NRIP2: variants seen among roughly 807,000 people sequenced by gnomAD.
The protein encoded by NRIP2 is nuclear receptor-interacting protein 2.
In NRIP2, 27 loss-of-function variants were observed where a neutral mutation model predicts 34.1. That is an observed-to-expected ratio of 0.79 (90% CI 0.58 to 1.09). The LOEUF is 1.09. Among genes scored for constraint, NRIP2 ranks in the 50% least tolerant of loss-of-function variants. The pLI, the probability that NRIP2 is intolerant of heterozygous loss-of-function variation, is 0.00. For synonymous variants in NRIP2, 145 were observed against 146.9 expected (o/e 0.99, Z 0.09); for missense variants, 385 against 352.6 (o/e 1.09, Z -0.74).
chr12:2,829,300 G>C (rs1197545292), intron 2 of NRIP2, among the ~76,000 whole-genome samples: 1 of 152,074 alleles, frequency 6.6e-6, no homozygotes, highest in Non-Finnish European at 1.5e-5. Flanking sequence ...TTGGGACATA[G>C]ACATTTTGAT....
chr12:2,827,341 C>T lies in NRIP2; in HGVS notation c.754-42G>A. 6.3e-7 allele frequency: 1 copy of T among 1,588,410 alleles called. No homozygotes were observed. Among genetic ancestry groups the T allele is most frequent in the South Asian group, 1.1e-5 (1 of 88,118 alleles). ...AGTCATGCCAGGTCACCTCAGCCCG[C>T]CACCTGCCTCCCGGCCTGCTCCTTT... is the stretch of plus-strand genomic sequence containing the variant. On this transcript the variant is annotated intron_variant, in intron 5 of 5. Coordinates refer to ENST00000337508, the MANE Select transcript of NRIP2 (RefSeq NM_031474.3). The surrounding 1 kb of genome is among the most constrained non-coding windows in gnomAD (Gnocchi z 4.0).
At position 2,827,752 on chromosome 12, in the gene NRIP2, TC is replaced by T; in HGVS notation, c.701-76del. On this transcript the variant is annotated intron_variant, in intron 4 of 5. Transcript: ENST00000337508. This position sits in a 1 kb window ranked among gnomAD's most constrained non-coding sequence, Gnocchi z 4.0. ...CTGCTGCCCTCCTCTTAGCCGTTGC[TC>T]CTTCTCTGCCCACCCCATCCCCAGA... is the stretch of plus-strand genomic sequence containing the variant. The T allele has an allele frequency of 1.2e-6, 2 of 1,610,944 alleles. No individual in the cohort carries two copies. The highest frequency in any genetic ancestry group is 2.2e-5 in the South Asian group (2 of 90,842).
chr12:2,828,152 A>ACCTC, intron 3 of NRIP2, 105 bp from the exon 4 acceptor site: 1 of 1,224,640 alleles, frequency 8.2e-7, no homozygotes, highest in Non-Finnish European at 1.2e-6. Flanking sequence ...CCAACCCCTG[A>ACCTC]CCTCACGTGG....
In NRIP2 at chr12:2,827,829, C is replaced by T; in HGVS notation, c.700+97G>A. On this transcript the variant is annotated intron_variant, in intron 4 of 5. Transcript: ENST00000337508. This position sits in a 1 kb window ranked among gnomAD's most constrained non-coding sequence, Gnocchi z 4.0. ...GGGATAGTCAGAACATCTCTGGGAA[C>T]TCCTCGTGCTGCAGGGAGTGAAAGT... 1.2e-6 allele frequency: 2 copies of T among 1,604,442 alleles called. No homozygotes were observed. The highest frequency in any genetic ancestry group is 2.2e-5 in the South Asian group (2 of 89,746).
Position 2,834,925 on chromosome 12 carries a change from C to T in NRIP2, c.59G>A (p.Cys20Tyr), listed in dbSNP as rs1211951857. Residue 20 changes from cysteine (C) to tyrosine (Y), a missense_variant, in exon 1 of 6, where the codon TGC (cysteine) becomes TAC (tyrosine). Cys to Tyr is a radical substitution (Grantham distance 194, BLOSUM62 -2). Transcript: ENST00000337508. Reference sequence around the variant, plus strand: ...TCCTGCCTGTCTCTGTCCCGTGCTGCAGCTCTCTTTCCAACAGGAGGGTCT... The same window carrying T: ...TCCTGCCTGTCTCTGTCCCGTGCTGTAGCTCTCTTTCCAACAGGAGGGTCT... ...PWRPSCWKESCSTGQRQAGRS... is the reference protein window; with the variant it reads ...PWRPSCWKESYSTGQRQAGRS... 1.2e-6 allele frequency: 2 copies of T among 1,612,146 alleles called. No individual in the cohort carries two copies. The highest frequency in any genetic ancestry group is 1.7e-6 in the Non-Finnish European group (2 of 1,179,202).
At position 2,834,903 on chromosome 12, in the gene NRIP2, T is replaced by C; in HGVS notation, c.81A>G (p.Ala27=). Residue 27 remains alanine, a synonymous_variant, in exon 1 of 6, where the codon GCA becomes GCG. Transcript: ENST00000337508. ...KESCSTGQRQ[A]GRSREDSVTP... ...TCACCGAGTCCTCTCTGCTTCTTCC[T>C]GCCTGTCTCTGTCCCGTGCTGCAGC... The C allele has an allele frequency of 6.2e-7, 1 of 1,613,806 alleles. No homozygotes were observed. The highest frequency in any genetic ancestry group is 1.1e-5 in the South Asian group (1 of 91,046).
At chr12:2,832,372 G>A (rs551696088) in intron 1 of NRIP2, among the ~76,000 whole-genome samples, 2 of 151,852 alleles carry the variant, frequency 1.3e-5, no homozygotes, top group Admixed American at 1.3e-4. Context: ...CAGAAGCACC[G>A]CTCATACCAG....
chr12:2,828,773 C>T (rs1056346677), intron 2 of NRIP2, among the ~76,000 whole-genome samples: 15 of 152,212 alleles, frequency 9.9e-5, no homozygotes, highest in African/African-American at 3.4e-4. Flanking sequence ...ACCCGAGAGG[C>T]GGAGGTTGTG....
chr12:2,832,110 A>G (rs887827364), intron 1 of NRIP2, among the ~76,000 whole-genome samples: 1 of 152,156 alleles, frequency 6.6e-6, no homozygotes, highest in African/African-American at 2.4e-5. Flanking sequence ...CCTCTTAAAA[A>G]TGCACTCTCA....
At chr12:2,832,162 G>C (rs1454415209) in intron 1 of NRIP2, among the ~76,000 whole-genome samples, 2 of 152,114 alleles carry the variant, frequency 1.3e-5, no homozygotes, top group Non-Finnish European at 2.9e-5. Context: ...AGATCCCCAG[G>C]TGATTCATGT....
rs750409344 is a variant in NRIP2, at chr12:2,834,956, G to A, written c.28C>T (p.Pro10Ser). Residue 10 changes from proline to serine, a missense_variant, in exon 1 of 6, where the codon CCG becomes TCG. Coordinates refer to ENST00000337508, the MANE Select transcript of NRIP2 (RefSeq NM_031474.3). ...TCTTTCCAACAGGAGGGTCTCCACG[G>A]GAGGGAAAGAGGAAAAATAAATAAC... Reference protein sequence around the residue: MLFIFPLSLPWRPSCWKESC... With the variant: MLFIFPLSLSWRPSCWKESC... 52 of 1,591,266 alleles carry A rather than the reference G, an allele frequency of 3.3e-5. 1 individual carries two copies. The South Asian group carries it at 5.2e-4, about 16-fold the overall frequency.
intron 1 of NRIP2, 27 bp from the exon 2 acceptor site, chr12:2,830,887 T>C: frequency 6.2e-7 from 1 of 1,605,856 alleles, no homozygotes; most frequent in Non-Finnish European, 8.5e-7. Flanking sequence ...ACAATGAAGG[T>C]AGGCAGTTCT....
intron 1 of NRIP2, among the ~76,000 whole-genome samples, chr12:2,831,290 A>G (rs1467192252): frequency 6.6e-6 from 1 of 151,658 alleles, no homozygotes; most frequent in Non-Finnish European, 1.5e-5. Flanking sequence ...ACAGTAAGAA[A>G]CTCAAGAACT....
intron 1 of NRIP2, among the ~76,000 whole-genome samples, chr12:2,832,805 C>T (rs1462150565): frequency 1.3e-5 from 2 of 150,100 alleles, no homozygotes; most frequent in Non-Finnish European, 1.5e-5. Context: ...GCTCTATGCA[C>T]CTCTCCACCT....
At chr12:2,833,013 C>G (rs1199848917) in intron 1 of NRIP2, among the ~76,000 whole-genome samples, 1 of 151,926 alleles carries the variant, frequency 6.6e-6, no homozygotes, top group Non-Finnish European at 1.5e-5. Context: ...CTTCAGGCCC[C>G]TCCCGCTGTT....
At chr12:2,833,838 C>G (rs2098015149) in intron 1 of NRIP2, among the ~76,000 whole-genome samples, 1 of 152,178 alleles carries the variant, frequency 6.6e-6, no homozygotes, top group Non-Finnish European at 1.5e-5. Flanking sequence ...TGATTTGATT[C>G]TCATTTAACA....
At chr12:2,832,960 G>C (rs1302842682) in intron 1 of NRIP2, among the ~76,000 whole-genome samples, 1 of 151,946 alleles carries the variant, frequency 6.6e-6, no homozygotes, top group East Asian at 2.0e-4. Flanking sequence ...GGAGAGACTG[G>C]CTCTGCACTT....
In NRIP2 at chr12:2,829,767, T is replaced by C. The variant is rs545275998; in HGVS notation, c.495+941A>G. 3.3e-4 allele frequency among the ~76,000 whole-genome samples: 46 copies of C among 138,556 alleles called. No individual in the cohort carries two copies. In the South Asian group the frequency reaches 5.0e-3, roughly 15 times the overall value. The allele number at this position is 138,556 out of a possible 152,430, so 90.9% of individuals were successfully genotyped here. A position where few individuals can be genotyped will look rare whatever the true frequency, so the allele number is the denominator to read the frequency against. On this transcript the variant is annotated intron_variant, in intron 2 of 5. Transcript: ENST00000337508. ...GGGTGACAGAGTAAGAATCTGTCTC[T>C]AAAAAATAAACAAAAGGACCGGAAA... is the stretch of plus-strand genomic sequence containing the variant.
chr12:2,831,523 G>T (rs1434333251), intron 1 of NRIP2, among the ~76,000 whole-genome samples: 1 of 151,870 alleles, frequency 6.6e-6, no homozygotes, highest in Non-Finnish European at 1.5e-5. Flanking sequence ...GGCAGAGGTT[G>T]CAATGAGCCA....
Sources: allele counts gnomAD v4.1 joint callset (sites outside exome capture counted in the v4.1 genomes callset), GRCh38; gene constraint gnomAD v4.1.1; non-coding constraint Gnocchi (gnomAD v3.1); transcripts MANE v1.5; gene names NCBI Gene and HGNC (gene_info 2026-07-23, HGNC 2026-07-21).